The following PLCL1 variants were observed in gnomAD, a reference collection of about 807,000 sequenced individuals.
PLCL1 encodes the protein phospholipase C like 1 (inactive).
In PLCL1, 41 loss-of-function variants were observed where a neutral mutation model predicts 84.4. The observed-to-expected ratio is 0.49, with a 90% CI of 0.38 to 0.63. PLCL1 has a LOEUF of 0.63. Among genes scored for constraint, PLCL1 ranks in the 30% least tolerant of loss-of-function variants. The pLI is 0.00. For missense variants in PLCL1, 1,206 were observed against 1,367.8 expected (o/e 0.88, Z 1.87); for synonymous variants, 490 against 488.3 (o/e 1.00, Z -0.05).
At chr2:198,074,735 G>A (rs904877339) in intron 1 of PLCL1, among the ~76,000 whole-genome samples, 1 of 152,176 alleles carries the variant, frequency 6.6e-6, no homozygotes, top group Non-Finnish European at 1.5e-5. Context: ...AAGAGAGGTG[G>A]GAAATTTTGT....
intron 1 of PLCL1, among the ~76,000 whole-genome samples, chr2:198,006,949 A>C (rs907007456): frequency 6.6e-6 from 1 of 152,188 alleles, no homozygotes; most frequent in Non-Finnish European, 1.5e-5. Flanking sequence ...ATATCTCTGC[A>C]ATACCAAGTG....
chr2:197,928,029 T>C (rs943812555), intron 1 of PLCL1, among the ~76,000 whole-genome samples: 11 of 137,320 alleles, frequency 8.0e-5, no homozygotes, highest in Admixed American at 1.5e-4. Context: ...TGAAGTTTGA[T>C]GGTATGATTT....
chr2:197,880,951 C>T (rs566987120), intron 1 of PLCL1, among the ~76,000 whole-genome samples: 1 of 152,256 alleles, frequency 6.6e-6, no homozygotes, highest in African/African-American at 2.4e-5. Flanking sequence ...CTGAAAATGT[C>T]TAAATGTGCA....
chr2:198,039,170 T>C (rs1691606474), intron 1 of PLCL1, among the ~76,000 whole-genome samples: 1 of 152,142 alleles, frequency 6.6e-6, no homozygotes, highest in Non-Finnish European at 1.5e-5. Context: ...GGGTTCATAG[T>C]CAAAGTGACA....
intron 1 of PLCL1, among the ~76,000 whole-genome samples, chr2:197,880,546 A>G (rs557006777): frequency 9.2e-5 from 14 of 152,214 alleles, no homozygotes; most frequent in Non-Finnish European, 1.6e-4. Context: ...AATGGAAAAC[A>G]TAAGAAAAAA....
intron 1 of PLCL1, among the ~76,000 whole-genome samples, chr2:197,808,515 CA>C (rs1186446101): frequency 6.6e-6 from 1 of 151,626 alleles, no homozygotes; most frequent in Admixed American, 6.6e-5. Context: ...AATGAGTTTC[CA>C]AAAAAAGTCT....
At chr2:197,975,217 A>C (rs761675016) in intron 1 of PLCL1, among the ~76,000 whole-genome samples, 7 of 151,642 alleles carry the variant, frequency 4.6e-5, no homozygotes, top group Non-Finnish European at 8.8e-5. Flanking sequence ...AATGCTTATG[A>C]CAATGCCAGT....
intron 1 of PLCL1, among the ~76,000 whole-genome samples, chr2:198,041,967 T>C (rs1013559345): frequency 6.6e-6 from 1 of 152,198 alleles, no homozygotes; most frequent in African/African-American, 2.4e-5. Flanking sequence ...AACCTCAATT[T>C]TGTGCCTATC....
chr2:198,138,171 TTTTTGTTTTG>T (rs1036600079), intron 5 of PLCL1, among the ~76,000 whole-genome samples: 1 of 152,182 alleles, frequency 6.6e-6, no homozygotes, highest in African/African-American at 2.4e-5. Flanking sequence ...AAAAGAGGTT[TTTTTGTTTTG>T]TTTTGTTTTG....
chr2:197,934,190 T>C (rs1689003901), intron 1 of PLCL1, among the ~76,000 whole-genome samples: 1 of 152,224 alleles, frequency 6.6e-6, no homozygotes, highest in African/African-American at 2.4e-5. Context: ...CAAGTTTTTT[T>C]GTTTGTTTTT....
intron 1 of PLCL1, among the ~76,000 whole-genome samples, chr2:198,064,904 AG>A (rs1692287618): frequency 6.6e-6 from 1 of 152,212 alleles, no homozygotes; most frequent in Non-Finnish European, 1.5e-5. Context: ...CGTTTGGTAT[AG>A]GGAAGCTTAT....
chr2:198,146,666 G>T (rs1249525521), intron 5 of PLCL1, 114 bp from the exon 6 acceptor site: 1 of 791,366 alleles, frequency 1.3e-6, no homozygotes, highest in Non-Finnish European at 1.9e-6. Context: ...GAGCTTGCAG[G>T]TCTGGGTCTG....
chr2:197,897,331 A>G (rs1688172858), intron 1 of PLCL1, among the ~76,000 whole-genome samples: 1 of 151,968 alleles, frequency 6.6e-6, no homozygotes, highest in Non-Finnish European at 1.5e-5. Context: ...ATTAATATGT[A>G]AGGATGTACA....
Position 197,997,840 on chromosome 2 carries a change from T to G in PLCL1, c.241-85918T>G, listed in dbSNP as rs115824814. Among the ~76,000 whole-genome samples, 221 of 152,302 alleles carry G rather than the reference T, an allele frequency of 1.5e-3. 2 individuals are homozygous for G. The highest frequency in any genetic ancestry group is 3.7e-3 in the South Asian group (18 of 4,828). On this transcript the variant is annotated intron_variant, in intron 1 of 5. Coordinates refer to ENST00000428675, the MANE Select transcript of PLCL1 (RefSeq NM_006226.4). ...TTTTAGGAGCTGCAAAAAGGGTCCC[T>G]TTGCCTCCCAAAAAGTTCCCTGAGG...
intron 1 of PLCL1, among the ~76,000 whole-genome samples, chr2:197,903,289 TTA>T (rs1688302922): frequency 6.6e-6 from 1 of 152,106 alleles, no homozygotes; most frequent in South Asian, 2.1e-4. Context: ...ATGGATTTGC[TTA>T]TGTTTCAATA....
intron 1 of PLCL1, among the ~76,000 whole-genome samples, chr2:197,995,439 A>G (rs527494756): frequency 6.6e-6 from 1 of 152,264 alleles, no homozygotes; most frequent in East Asian, 1.9e-4. Flanking sequence ...AAGGAAAGCA[A>G]CAAGTAAATA....
intron 1 of PLCL1, among the ~76,000 whole-genome samples, chr2:198,019,494 G>A (rs997204356): frequency 6.6e-6 from 1 of 152,060 alleles, no homozygotes; most frequent in Admixed American, 6.6e-5. Flanking sequence ...CTTGATAAAA[G>A]GTTAGAGGAA....
chr2:197,897,802 A>G (rs1249350549), intron 1 of PLCL1, among the ~76,000 whole-genome samples: 3 of 152,220 alleles, frequency 2.0e-5, no homozygotes, highest in Admixed American at 6.5e-5. Flanking sequence ...ATTTTCACAT[A>G]TGTCAGATCT....
At chr2:198,049,672 A>G (rs556385179) in intron 1 of PLCL1, among the ~76,000 whole-genome samples, 3 of 152,236 alleles carry the variant, frequency 2.0e-5, no homozygotes, top group Non-Finnish European at 4.4e-5. Flanking sequence ...AGAAATCCCC[A>G]GCTCATTAGA....
Sources: gnomAD v4.1 joint callset for allele counts (sites outside exome capture counted in the v4.1 genomes callset) on GRCh38, gnomAD v4.1.1 for gene constraint, MANE v1.5 for transcripts, NCBI Gene and HGNC (gene_info 2026-07-23, HGNC 2026-07-21) for gene names.